NUP214: variants seen among roughly 807,000 people sequenced by gnomAD.
NUP214 encodes the protein nuclear pore complex protein Nup214.
NUP214 carries 79 observed loss-of-function variants against 196.2 expected under a neutral mutation model. The ratio of observed to expected loss-of-function variants is 0.40; its 90% CI spans 0.34 to 0.49. NUP214 has a LOEUF of 0.49. Ranked by LOEUF, NUP214 falls within the 20% of genes least tolerant of loss-of-function variation. The probability of loss-of-function intolerance (pLI) is 0.58; values close to 1 mark genes in which losing one functional copy is unlikely to be tolerated. For missense variants in NUP214, 2,468 were observed against 2,539.0 expected (o/e 0.97, Z 0.60); for synonymous variants, 1,020 against 990.5 (o/e 1.03, Z -0.56).
intron 31 of NUP214, among the ~76,000 whole-genome samples, chr9:131,215,988 C>T (rs781371010): frequency 6.6e-5 from 10 of 150,590 alleles, no homozygotes; most frequent in Non-Finnish European, 1.2e-4. Context: ...CTACAACCTC[C>T]GCCTCCCAGG....
At chr9:131,209,202 ATC>A (rs1028335042) in intron 30 of NUP214, among the ~76,000 whole-genome samples, 2 of 151,832 alleles carry the variant, frequency 1.3e-5, no homozygotes, top group African/African-American at 4.8e-5. Context: ...GCAAAATTCC[ATC>A]TCTACAAAAA....
intron 33 of NUP214, chr9:131,229,154 T>G (rs1834803059): frequency 6.5e-6 from 1 of 153,572 alleles, no homozygotes; most frequent in Non-Finnish European, 1.5e-5. Context: ...GTTGAGATAC[T>G]TGGATCTGAG....
chr9:131,151,693 C>T lies in NUP214; in HGVS notation c.2278-43C>T, dbSNP rs149680922. The T allele has an allele frequency of 6.0e-4, 915 of 1,516,406 alleles. 16 individuals carry two copies. In the East Asian group the frequency reaches 0.014, roughly 23 times the overall value. The allele number at this position is 1,516,406 out of a possible 1,614,324, so 93.9% of individuals were successfully genotyped here. On this transcript the variant is annotated intron_variant, in intron 16 of 35. Transcript: ENST00000359428. ...CTTGATCCAAACAGAAAGATTTGGA[C>T]GTAACAACTTTTTGTACCAACACAT...
chr9:131,227,627 G>T (rs961579666), intron 32 of NUP214, among the ~76,000 whole-genome samples: 15 of 152,226 alleles, frequency 9.9e-5, no homozygotes, highest in African/African-American at 3.4e-4. Flanking sequence ...CCAATTCAGG[G>T]ATTCTCCCTG....
intron 24 of NUP214, among the ~76,000 whole-genome samples, chr9:131,184,538 G>A (rs1833396079): frequency 6.6e-6 from 1 of 151,800 alleles, no homozygotes; most frequent in Non-Finnish European, 1.5e-5. Context: ...GTTTCACCAT[G>A]TTGGCCAGGC....
Position 131,163,917 on chromosome 9 carries a change from C to T in NUP214, c.2771C>T (p.Thr924Ile), listed in dbSNP as rs1233051021. 2 of 1,614,148 alleles carry T rather than the reference C, an allele frequency of 1.2e-6. No individual in the cohort carries two copies. Among genetic ancestry groups the T allele is most frequent in the Admixed American group, 1.7e-5 (1 of 60,022 alleles). The change falls in exon 20 of 36, where the codon ACC becomes ATC. Residue 924 changes from threonine to isoleucine, a missense_variant. This residue lies in a region of NUP214 where 1,801 missense variants were observed against 1,779.4 expected (regional missense o/e 1.01). Coordinates refer to ENST00000359428, the MANE Select transcript of NUP214 (RefSeq NM_005085.4). The stretch of plus-strand genomic sequence containing the variant: ...CTGTGCAATGCTTTGTTGAAAACCA[C>T]CATAGAATCTCACACCAAATCCTTG... ...ESLCNALLKT[T>I]IESHTKSLPK... is the part of the protein sequence containing the mutation.
chr9:131,204,511 T>C lies in NUP214; in HGVS notation c.5592+2794T>C, dbSNP rs141393430. Among the ~76,000 whole-genome samples the C allele has an allele frequency of 9.7e-3, 1,483 of 152,316 alleles. 15 individuals are homozygous for C. The highest frequency in any genetic ancestry group is 0.017 in the Non-Finnish European group (1,154 of 68,020). On this transcript the variant is annotated intron_variant, in intron 30 of 35. Transcript: ENST00000359428. ...AGTGCAGAAGCAGCCGTAGACAATA[T>C]GTAAACGAATGCGCATGATTGTGTT...
intron 30 of NUP214, among the ~76,000 whole-genome samples, chr9:131,208,556 G>T (rs1170953982): frequency 6.6e-6 from 1 of 152,112 alleles, no homozygotes; most frequent in African/African-American, 2.4e-5. Context: ...AATTATCCAG[G>T]CGTGGTGGCG....
In NUP214 at chr9:131,133,103, C is replaced by A; in HGVS notation, c.728-3C>A. The stretch of plus-strand genomic sequence containing the variant: ...GAGCTACTGATTAAGATGTGTCTTT[C>A]AGTTCTGGATGTGCTGTGGATTGGT... On this transcript the variant is annotated splice_polypyrimidine_tract_variant and splice_region_variant and intron_variant, in intron 6 of 35. Coordinates refer to ENST00000359428, the MANE Select transcript of NUP214 (RefSeq NM_005085.4). The A allele has an allele frequency of 1.2e-6, 2 of 1,607,472 alleles. No homozygotes were observed. Among genetic ancestry groups the A allele is most frequent in the South Asian group, 2.2e-5 (2 of 90,616 alleles).
At chr9:131,130,008 G>A in intron 4 of NUP214, among the ~76,000 whole-genome samples, 1 of 152,050 alleles carries the variant, frequency 6.6e-6, no homozygotes, top group Non-Finnish European at 1.5e-5. Flanking sequence ...GGTACAGCTG[G>A]TTTAGAAGTG....
chr9:131,139,358 G>A lies in NUP214; in HGVS notation c.1083G>A (p.Leu361=). Residue 361 remains leucine (L), a synonymous_variant, in exon 10 of 36, where the codon TTG becomes TTA. Transcript: ENST00000359428. ...TGACAGACAAGAGTGATGACTCCTT[G>A]CCCATGGGAGTTGTCGTAGACTATA... ...LPVTDKSDDS[L]PMGVVVDYTN... 1.2e-6 allele frequency: 2 copies of A among 1,602,032 alleles called. No homozygotes were observed. Among genetic ancestry groups the A allele is most frequent in the South Asian group, 2.2e-5 (2 of 89,676 alleles).
intron 21 of NUP214, among the ~76,000 whole-genome samples, chr9:131,171,460 T>C (rs1211900702): frequency 6.6e-6 from 1 of 152,154 alleles, no homozygotes; most frequent in Non-Finnish European, 1.5e-5. Context: ...CATGGGTTTG[T>C]ATTAGTTTCC....
intron 24 of NUP214, 124 bp downstream of exon 24, chr9:131,178,534 G>C (rs960302359): frequency 7.5e-6 from 5 of 668,022 alleles, no homozygotes; most frequent in East Asian, 2.7e-5. Context: ...GGTTATAAGG[G>C]GGGTGGCGGC....
At chr9:131,210,392 G>A (rs1834205807) in intron 30 of NUP214, among the ~76,000 whole-genome samples, 2 of 152,032 alleles carry the variant, frequency 1.3e-5, no homozygotes, top group African/African-American at 2.4e-5. Flanking sequence ...CACTTTGGGA[G>A]GCCAAGGCGG....
chr9:131,128,855 T>G, intron 3 of NUP214: 1 of 290,506 alleles, frequency 3.4e-6, no homozygotes, highest in Non-Finnish European at 6.6e-6. Flanking sequence ...TACTAAGTGC[T>G]TTATATGCCT....
chr9:131,170,640 T>G (rs1209271710), intron 21 of NUP214, among the ~76,000 whole-genome samples: 2 of 152,188 alleles, frequency 1.3e-5, no homozygotes, highest in Admixed American at 6.5e-5. Context: ...GAAATACCAT[T>G]GATTTATGTG....
At chr9:131,149,425 T>C (rs1832185993) in intron 14 of NUP214, among the ~76,000 whole-genome samples, 1 of 150,426 alleles carries the variant, frequency 6.6e-6, no homozygotes, top group Admixed American at 6.7e-5. Flanking sequence ...ACAAACCAGA[T>C]GTTTGCACAA....
chr9:131,151,936 A>G (rs959586328), intron 17 of NUP214, 42 bp downstream of exon 17: 1 of 1,495,164 alleles, frequency 6.7e-7, no homozygotes, highest in Non-Finnish European at 9.0e-7. Context: ...TTTAAAAACA[A>G]GCTCATGTAA....
At chr9:131,135,091 A>G (rs1831679757) in intron 8 of NUP214, 87 bp downstream of exon 8, 1 of 888,324 alleles carries the variant, frequency 1.1e-6, no homozygotes, top group South Asian at 1.4e-5. Flanking sequence ...ATCTTTTCTG[A>G]TTGATTGATT....
Sources: gnomAD v4.1 joint callset for allele counts (sites outside exome capture counted in the v4.1 genomes callset) on GRCh38, gnomAD v4.1.1 for gene constraint, gnomAD v4.1.1 regional missense constraint, MANE v1.5 for transcripts, NCBI Gene and HGNC (gene_info 2026-07-23, HGNC 2026-07-21) for gene names.